Variants in RTTN observed in about 807,000 individuals in gnomAD.
RTTN encodes rotatin.
RTTN carries 182 observed loss-of-function variants against 269.2 expected under a neutral mutation model. That is an observed-to-expected ratio of 0.68 (90% CI 0.60 to 0.76). The LOEUF (loss-of-function observed/expected upper bound fraction) is 0.76, where lower values mean the gene tolerates loss of function less well. Among genes scored for constraint, RTTN ranks in the 30% least tolerant of loss-of-function variants. RTTN has a pLI of 0.00. For synonymous variants in RTTN, 1,006 were observed against 963.5 expected, an observed-to-expected ratio of 1.04 and a Z score of -0.82; for missense variants, 2,545 against 2,608.6, an observed-to-expected ratio of 0.98 and a Z score of 0.53.
Position 70,109,628 on chromosome 18 carries a change from T to C in RTTN, c.3773A>G (p.Tyr1258Cys). Residue 1258 changes from tyrosine to cysteine, a missense_variant, in exon 28 of 49, where the codon TAT becomes TGT. By Grantham distance (194) the Tyr-to-Cys change is radical. Transcript: ENST00000640769. The part of the protein sequence containing the change: ...CLKVTDAPHF[Y>C]GLPSLERTLR... Reference sequence around the variant, plus strand: ...GGTCCGCTCAAGGGACGGCAGGCCATAGAAATGAGGCGCATCCGTCACTTT... The same window carrying C: ...GGTCCGCTCAAGGGACGGCAGGCCACAGAAATGAGGCGCATCCGTCACTTT... 1 of 1,614,126 alleles carries C rather than the reference T, an allele frequency of 6.2e-7. No homozygotes were observed. Among genetic ancestry groups the C allele is most frequent in the Non-Finnish European group, 8.5e-7 (1 of 1,180,032 alleles).
intron 40 of RTTN, among the ~76,000 whole-genome samples, chr18:70,034,637 G>T (rs2057116848): frequency 6.6e-6 from 1 of 152,272 alleles, no homozygotes; most frequent in East Asian, 1.9e-4. Context: ...ACTGGCACAA[G>T]ACAAGGATGC....
chr18:70,087,913 A>G (rs1416287733), intron 31 of RTTN, 76 bp downstream of exon 31: 5 of 1,460,870 alleles, frequency 3.4e-6, no homozygotes, highest in Non-Finnish European at 4.7e-6. Context: ...CACCATGTTG[A>G]GCGGCAGTCA....
chr18:70,118,319 C>T (rs1055685177), intron 26 of RTTN, among the ~76,000 whole-genome samples: 24 of 152,026 alleles, frequency 1.6e-4, no homozygotes, highest in Middle Eastern at 3.2e-3. Flanking sequence ...CTATTATGAA[C>T]AATTTCATGT....
chr18:70,128,018 C>A, intron 24 of RTTN: 1 of 448,432 alleles, frequency 2.2e-6, no homozygotes, highest in East Asian at 4.1e-5. Context: ...AAGTAATCAC[C>A]ATCACACTAA....
intron 14 of RTTN, among the ~76,000 whole-genome samples, chr18:70,163,418 G>A (rs542809058): frequency 6.6e-6 from 1 of 151,918 alleles, no homozygotes; most frequent in African/African-American, 2.4e-5. Flanking sequence ...TATTGCCAAG[G>A]ATGAAGAGAA....
chr18:70,085,927 C>T (rs1001184799), intron 32 of RTTN, among the ~76,000 whole-genome samples: 12 of 152,018 alleles, frequency 7.9e-5, no homozygotes, highest in Non-Finnish European at 1.6e-4. Flanking sequence ...ACCACCATTA[C>T]GCAATATACT....
intron 28 of RTTN, among the ~76,000 whole-genome samples, chr18:70,099,341 G>A (rs1313583750): frequency 6.6e-6 from 1 of 151,868 alleles, no homozygotes; most frequent in Non-Finnish European, 1.5e-5. Flanking sequence ...CTCCGATGAT[G>A]AGCATTCTTT....
chr18:70,133,057 C>T (rs138599656), intron 23 of RTTN, among the ~76,000 whole-genome samples: 2 of 152,256 alleles, frequency 1.3e-5, no homozygotes, highest in African/African-American at 4.8e-5. Flanking sequence ...GATGGGATGT[C>T]ACAGCTCTGA....
At chr18:70,050,681 A>T (rs2057635403) in intron 39 of RTTN, among the ~76,000 whole-genome samples, 1 of 152,248 alleles carries the variant, frequency 6.6e-6, no homozygotes, top group Non-Finnish European at 1.5e-5. Flanking sequence ...CCCAATGCCC[A>T]TCAATGACAC....
intron 40 of RTTN, among the ~76,000 whole-genome samples, chr18:70,042,597 C>T (rs978652298): frequency 8.6e-5 from 13 of 151,488 alleles, no homozygotes; most frequent in African/African-American, 2.7e-4. Context: ...AGGATGGTGT[C>T]GATCTCCTGA....
At chr18:70,189,252 G>C (rs1337427267) in intron 9 of RTTN, among the ~76,000 whole-genome samples, 1 of 152,168 alleles carries the variant, frequency 6.6e-6, no homozygotes, top group Non-Finnish European at 1.5e-5. Flanking sequence ...GTTCCAGCTA[G>C]TAGAAGCACT....
intron 7 of RTTN, 53 bp downstream of exon 7, chr18:70,196,448 C>A: frequency 6.6e-7 from 1 of 1,519,316 alleles, no homozygotes; most frequent in Non-Finnish European, 9.0e-7. Context: ...GGAAGGTTCC[C>A]AGAAGAATCT....
rs148715221 is a variant in RTTN at position 70,006,030 on chromosome 18, AC to A, written c.6525+350del. 4.2e-3 allele frequency: 775 copies of A among 183,576 alleles called. 7 individuals carry two copies. The highest frequency in any genetic ancestry group is 0.017 in the African/African-American group (722 of 42,480). 11.4% of individuals were successfully genotyped at this position (183,576 alleles called of 1,614,324 possible). On this transcript the variant is annotated intron_variant, in intron 47 of 48. Coordinates refer to ENST00000640769, the MANE Select transcript of RTTN (RefSeq NM_173630.4). ...AAGGGGAATTGTACAATTGGATAAA[AC>A]TTTTGTTACTCAGTTTTACTTTAAG...
intron 14 of RTTN, among the ~76,000 whole-genome samples, chr18:70,158,434 G>T (rs993919924): frequency 1.3e-5 from 2 of 152,070 alleles, no homozygotes; most frequent in African/African-American, 4.8e-5. Context: ...CTTACAAGGG[G>T]TCCTCAATGG....
chr18:70,196,753 A>C, intron 6 of RTTN, 105 bp from the exon 7 acceptor site: 2 of 1,136,290 alleles, frequency 1.8e-6, no homozygotes, highest in Admixed American at 2.6e-5. Flanking sequence ...AATCAAGAGA[A>C]AATAAGTTGC....
intron 46 of RTTN, among the ~76,000 whole-genome samples, chr18:70,011,368 G>C (rs193186111): frequency 7.0e-4 from 107 of 152,300 alleles, no homozygotes; most frequent in Non-Finnish European, 1.3e-3. Flanking sequence ...GAATCCAGCA[G>C]CACGTCAAAA....
Position 70,017,617 on chromosome 18 carries a change from G to T in RTTN, c.6211C>A (p.Leu2071Ile). The change falls in exon 46 of 49, where the codon CTA becomes ATA. Residue 2071 changes from leucine (L) to isoleucine (I), a missense_variant. Coordinates refer to ENST00000640769, the MANE Select transcript of RTTN (RefSeq NM_173630.4). Reference sequence around the variant, plus strand: ...AACCAAAGAATAGTCAGATTACTTAGATGTTTATTTCCTCCTTTTGGCAAT... The same window carrying T: ...AACCAAAGAATAGTCAGATTACTTATATGTTTATTTCCTCCTTTTGGCAAT... ...LALPKGGNKH[L>I]SNLTILWLKL... 2.5e-6 allele frequency: 4 copies of T among 1,613,716 alleles called. No homozygotes were observed. The highest frequency in any genetic ancestry group is 3.4e-6 in the Non-Finnish European group (4 of 1,179,734).
In RTTN at chr18:70,143,461, C is replaced by T. The variant is rs146136060; in HGVS notation, c.2482-1074G>A. 3.0e-3 allele frequency among the ~76,000 whole-genome samples: 449 copies of T among 152,116 alleles called. 3 individuals carry two copies. Among genetic ancestry groups the T allele is most frequent in the Middle Eastern group, 0.01 (3 of 294 alleles). ...TCTTTTGAGGGAACATGGATGAAGCCGGAGGCCATTATCCTTAGCAAAATA... is the reference window on the plus strand; with the variant it reads ...TCTTTTGAGGGAACATGGATGAAGCTGGAGGCCATTATCCTTAGCAAAATA... On this transcript the variant is annotated intron_variant, in intron 18 of 48. Coordinates refer to ENST00000640769, the MANE Select transcript of RTTN (RefSeq NM_173630.4).
rs1348682392 is a variant in RTTN at position 70,066,661 on chromosome 18, T to C, written c.4654-739A>G. Among the ~76,000 whole-genome samples the C allele has an allele frequency of 2.0e-5, 3 of 152,178 alleles. No homozygotes were observed. The East Asian group carries it at 5.8e-4, about 29-fold the overall frequency. On this transcript the variant is annotated intron_variant, in intron 34 of 48. Transcript: ENST00000640769. ...TCTGTGAAGTAACATGAAGTGCCCA[T>C]ACCTGGGTAGCCTCCATATCAGTAC...
Sources: gnomAD v4.1 joint callset for allele counts (sites outside exome capture counted in the v4.1 genomes callset) on GRCh38, gnomAD v4.1.1 for gene constraint, MANE v1.5 for transcripts, NCBI Gene and HGNC (gene_info 2026-07-23, HGNC 2026-07-21) for gene names.